NIPBL: variants seen among roughly 807,000 people sequenced by gnomAD.
The protein encoded by NIPBL is NIPBL cohesin loading factor.
Under a neutral mutation model 321.8 loss-of-function variants are expected in NIPBL, and 19 were observed. The observed-to-expected ratio is 0.06, with a 90% CI of 0.04 to 0.09. The LOEUF (loss-of-function observed/expected upper bound fraction) is 0.09, where lower values mean the gene tolerates loss of function less well. Ranked by LOEUF, NIPBL falls within the 10% of genes least tolerant of loss-of-function variation. NIPBL has a pLI of 1.00. For synonymous variants in NIPBL, 1,106 were observed against 1,114.1 expected, an observed-to-expected ratio of 0.99 and a Z score of 0.14; for missense variants, 2,210 against 3,327.0, an observed-to-expected ratio of 0.66 and a Z score of 8.26.
intron 6 of NIPBL, among the ~76,000 whole-genome samples, chr5:36,964,136 C>T (rs1204623926): frequency 6.6e-6 from 1 of 152,110 alleles, no homozygotes; most frequent in Non-Finnish European, 1.5e-5. Context: ...GGATTAGCCT[C>T]ACCCAGATAT....
intron 1 of NIPBL, among the ~76,000 whole-genome samples, chr5:36,878,975 G>A (rs371819585): frequency 6.8e-6 from 1 of 147,830 alleles, no homozygotes; most frequent in Non-Finnish European, 1.5e-5. Flanking sequence ...ACTGCGGGTG[G>A]GGGGGTGTGC....
Position 37,060,966 on chromosome 5 carries a change from A to C in NIPBL, c.7808A>C (p.Asn2603Thr), listed in dbSNP as rs2149755591. ...TLDFLRSDMA[N>T]SKITEEVKRS... is the part of the protein sequence containing the mutation. ...GACTTCCTGCGGAGTGACATGGCTA[A>C]TTCCAAAATCACAGAAGAGGTGAAA... is the stretch of plus-strand genomic sequence containing the variant. The change falls in exon 45 of 47, where the codon AAT (asparagine) becomes ACT (threonine). Residue 2603 changes from asparagine to threonine, a missense_variant. Transcript: ENST00000282516. The C allele has an allele frequency of 6.2e-7, 1 of 1,614,190 alleles. No homozygotes were observed. The highest frequency in any genetic ancestry group is 8.5e-7 in the Non-Finnish European group (1 of 1,180,022).
At chr5:36,922,346 T>A (rs1389963684) in intron 1 of NIPBL, among the ~76,000 whole-genome samples, 3 of 152,170 alleles carry the variant, frequency 2.0e-5, no homozygotes, top group Non-Finnish European at 4.4e-5. Context: ...ATTAGTTTGA[T>A]TTTTCAATAA....
intron 1 of NIPBL, among the ~76,000 whole-genome samples, chr5:36,918,778 A>G (rs1480917759): frequency 6.6e-6 from 1 of 152,146 alleles, no homozygotes; most frequent in African/African-American, 2.4e-5. Flanking sequence ...ATCTACTGAG[A>G]TAATCATGTG....
chr5:36,970,589 T>A (rs1219376007), intron 6 of NIPBL, among the ~76,000 whole-genome samples: 1 of 151,792 alleles, frequency 6.6e-6, no homozygotes, highest in East Asian at 1.9e-4. Flanking sequence ...CAGAATAAAC[T>A]CAGATCAAAA....
At chr5:37,057,375 G>T in intron 43 of NIPBL, 43 bp downstream of exon 43, 1 of 1,564,462 alleles carries the variant, frequency 6.4e-7, no homozygotes, top group Non-Finnish European at 8.8e-7. Context: ...CTGTCAAAGT[G>T]CAGGCATGCT....
Position 36,961,513 on chromosome 5 carries a change from C to G in NIPBL, c.388C>G (p.Gln130Glu). The change falls in exon 5 of 47, where the codon CAG becomes GAG. Residue 130 changes from glutamine (Q) to glutamate (E), a missense_variant. Gln to Glu is a conservative substitution (Grantham distance 29, BLOSUM62 2). Transcript: ENST00000282516. ...GMMMSQYKLS[Q>E]NSMHSSPASS... ...GATGATGTCTCAGTATAAACTTTCT[C>G]AGAATTCCATGCACAGTAGTCCTGC... 1.2e-6 allele frequency: 2 copies of G among 1,611,716 alleles called. No individual in the cohort carries two copies. Among genetic ancestry groups the G allele is most frequent in the Non-Finnish European group, 1.7e-6 (2 of 1,177,962 alleles).
At chr5:36,902,540 G>A (rs1486630095) in intron 1 of NIPBL, among the ~76,000 whole-genome samples, 1 of 152,102 alleles carries the variant, frequency 6.6e-6, no homozygotes, top group African/African-American at 2.4e-5. Context: ...AGCTTTGTCA[G>A]AGATTAGATG....
intron 1 of NIPBL, among the ~76,000 whole-genome samples, chr5:36,932,723 A>G (rs915814967): frequency 2.9e-5 from 4 of 139,500 alleles, no homozygotes; most frequent in Non-Finnish European, 6.2e-5. Flanking sequence ...TTCTTCCTTT[A>G]CTGCCTTCTT....
Position 36,941,686 on chromosome 5 carries a change from A to C in NIPBL, c.-79-11932A>C, listed in dbSNP as rs373553262. Among the ~76,000 whole-genome samples, 22 of 152,098 alleles carry C rather than the reference A, an allele frequency of 1.4e-4. No homozygotes were observed. In the East Asian group the frequency reaches 3.9e-3, roughly 27 times the overall value. On this transcript the variant is annotated intron_variant, in intron 1 of 46. Transcript: ENST00000282516. ...CTACTCTGGGATATATGGCTACTAC[A>C]TTTTCTTTTTAATAATCTGTGTTTC...
chr5:37,040,850 T>G (rs1752260349), intron 34 of NIPBL, among the ~76,000 whole-genome samples: 1 of 152,200 alleles, frequency 6.6e-6, no homozygotes, highest in Non-Finnish European at 1.5e-5. Flanking sequence ...TTATTTAGTA[T>G]TCTTTGCCAG....
rs544856295 is a variant in NIPBL at position 36,914,302 on chromosome 5, C to T, written c.-80+37124C>T. Among the ~76,000 whole-genome samples the T allele has an allele frequency of 7.2e-5, 11 of 152,242 alleles. No homozygotes were observed. In the East Asian group the frequency reaches 1.2e-3, roughly 16 times the overall value. ...ATTGTACTTCATCTCAAGAAATATG[C>T]GTAGCCTTTAAACCTATGGATAATG... On this transcript the variant is annotated intron_variant, in intron 1 of 46. Transcript: ENST00000282516.
chr5:37,017,665 T>C (rs1281679773), intron 24 of NIPBL, among the ~76,000 whole-genome samples: 2 of 151,634 alleles, frequency 1.3e-5, no homozygotes, highest in South Asian at 2.1e-4. Flanking sequence ...AGAAAACTGG[T>C]GAAGAAATGA....
At chr5:37,023,423 TAAAG>T (rs1051423195) in intron 29 of NIPBL, among the ~76,000 whole-genome samples, 16 of 152,312 alleles carry the variant, frequency 1.1e-4, no homozygotes, top group African/African-American at 3.8e-4. Context: ...GAAAGTTTGT[TAAAG>T]AAAAATAGTA....
At chr5:36,933,428 TACTC>T (rs1294865880) in intron 1 of NIPBL, among the ~76,000 whole-genome samples, 1 of 152,122 alleles carries the variant, frequency 6.6e-6, no homozygotes. Context: ...ATTCAAAACT[TACTC>T]ATATATTATT....
At chr5:36,916,747 A>G (rs1748490928) in intron 1 of NIPBL, among the ~76,000 whole-genome samples, 1 of 151,206 alleles carries the variant, frequency 6.6e-6, no homozygotes, top group Non-Finnish European at 1.5e-5. Flanking sequence ...GAGAACATGC[A>G]GTGTTTGGTT....
intron 6 of NIPBL, among the ~76,000 whole-genome samples, chr5:36,969,982 TGCAGCATTGTTTATG>T (rs1742672612): frequency 6.6e-6 from 1 of 152,164 alleles, no homozygotes; most frequent in African/African-American, 2.4e-5. Context: ...GAACATACAT[TGCAGCATTGTTTATG>T]GCAGCAAGCA....
chr5:36,895,075 T>C (rs1746631547), intron 1 of NIPBL, among the ~76,000 whole-genome samples: 1 of 152,216 alleles, frequency 6.6e-6, no homozygotes, highest in Non-Finnish European at 1.5e-5. Flanking sequence ...CACAAAGTTA[T>C]GCATTCATCA....
At chr5:36,952,053 T>TGTGA (rs778597604) in intron 1 of NIPBL, among the ~76,000 whole-genome samples, 1 of 112,214 alleles carries the variant, frequency 8.9e-6, no homozygotes, top group Non-Finnish European at 1.9e-5. Context: ...TGTGTGTGTG[T>TGTGA]GCGCGCGCGC....
Sources: allele counts gnomAD v4.1 joint callset (sites outside exome capture counted in the v4.1 genomes callset), GRCh38; gene constraint gnomAD v4.1.1; transcripts MANE v1.5; gene names NCBI Gene and HGNC (gene_info 2026-07-23, HGNC 2026-07-21).